Variants in KNDC1 observed in about 807,000 individuals in gnomAD.
The protein encoded by KNDC1 is kinase non-catalytic C-lobe domain-containing protein 1.
In KNDC1, 106 loss-of-function variants were observed where a neutral mutation model predicts 172.8. The ratio of observed to expected loss-of-function variants is 0.61; its 90% confidence interval spans 0.52 to 0.72. KNDC1 has a LOEUF of 0.72. KNDC1 is among the 30% of genes least tolerant of loss of function. KNDC1 has a pLI of 0.00. For synonymous variants in KNDC1, 1,083 were observed against 1,062.2 expected (o/e 1.02, Z -0.38); for missense variants, 2,325 against 2,394.5 (o/e 0.97, Z 0.61).
At chr10:133,217,903 T>C (rs141783028) in intron 26 of KNDC1, among the ~76,000 whole-genome samples, 3,000 of 132,394 alleles carry the variant, frequency 0.023, 1 homozygote, top group African/African-American at 0.063. Context: ...GGGGAAACCC[T>C]GTCTCCACTA....
chr10:133,186,726 C>A, intron 6 of KNDC1, 52 bp downstream of exon 6: 1 of 1,332,786 alleles, frequency 7.5e-7, no homozygotes, highest in Non-Finnish European at 1.0e-6. Context: ...TCAGTGAGTC[C>A]GGGGCCGGGC....
chr10:133,206,470 G>A (rs1484892383), intron 17 of KNDC1, among the ~76,000 whole-genome samples: 1 of 151,670 alleles, frequency 6.6e-6, no homozygotes, highest in Non-Finnish European at 1.5e-5. Flanking sequence ...GCTGGGCACT[G>A]CCCTGTGAGC....
chr10:133,184,090 A>C lies in KNDC1; in HGVS notation c.625+101A>C, dbSNP rs1591237890. Reference sequence around the variant, plus strand: ...TGCAAACACACCCATGCACACACACACACTGCACACACACCCATACTGCAC... The same window carrying C: ...TGCAAACACACCCATGCACACACACCCACTGCACACACACCCATACTGCAC... On this transcript the variant is annotated intron_variant, in intron 5 of 29. Coordinates refer to ENST00000304613, the MANE Select transcript of KNDC1 (RefSeq NM_152643.8). 5 of 620,938 alleles carry C rather than the reference A, an allele frequency of 8.1e-6. No individual in the cohort carries two copies. The East Asian group carries it at 1.1e-4, about 14-fold the overall frequency. The allele number at this position is 620,938 out of a possible 1,614,324, so 38.5% of individuals were successfully genotyped here.
At chr10:133,195,617 A>G in intron 9 of KNDC1, 46 bp from the exon 10 acceptor site, 1 of 1,463,582 alleles carries the variant, frequency 6.8e-7, no homozygotes, top group South Asian at 1.5e-5. Context: ...TGGGCACAGC[A>G]GCCCACAGCC....
In KNDC1 at chr10:133,163,656, C is replaced by T. The variant is rs552277618; in HGVS notation, c.102+3087C>T. On this transcript the variant is annotated intron_variant, in intron 1 of 29. Transcript: ENST00000304613. The surrounding 1 kb of genome is among the most constrained non-coding windows in gnomAD (Gnocchi z 4.4). ...GTCATAAGACAGTGTATTTCAAATG[C>T]GCCACACGATCTAGGCGTCCCTGTG... is the stretch of plus-strand genomic sequence containing the variant. Among the ~76,000 whole-genome samples, 4 of 152,282 alleles carry T rather than the reference C, an allele frequency of 2.6e-5. No individual in the cohort carries two copies. The highest frequency in any genetic ancestry group is 4.4e-5 in the Non-Finnish European group (3 of 68,008).
In KNDC1 at chr10:133,160,276, C is replaced by T. The variant is rs1278479833; in HGVS notation, c.-192C>T. Among the ~76,000 whole-genome samples, 1 of 120,760 alleles carries T rather than the reference C, an allele frequency of 8.3e-6. No individual in the cohort carries two copies. Among genetic ancestry groups the T allele is most frequent in the Admixed American group, 8.1e-5 (1 of 12,290 alleles). 79.2% of individuals were successfully genotyped at this position (120,760 alleles called of 152,430 possible). On this transcript the variant is annotated 5_prime_UTR_variant, in exon 1 of 30. Transcript: ENST00000304613. Reference sequence around the variant, plus strand: ...CGGACAGCGCCGCGCAGCCCCCGCGCACCCCGCGCCCCCCGCGCCCCCCGG... The same window carrying T: ...CGGACAGCGCCGCGCAGCCCCCGCGTACCCCGCGCCCCCCGCGCCCCCCGG...
rs781661218 is a variant in KNDC1, at chr10:133,218,941, G to A, written c.4788G>A (p.Val1596=). The A allele has an allele frequency of 1.2e-6, 2 of 1,613,802 alleles. No individual in the cohort carries two copies. Among genetic ancestry groups the A allele is most frequent in the East Asian group, 2.2e-5 (1 of 44,882 alleles). Residue 1596 remains valine, a synonymous_variant, in exon 27 of 30, where the codon GTG becomes GTA. Transcript: ENST00000304613. The part of the protein sequence containing the change: ...QILSGLEHLA[V]RQSPAWRILP... The stretch of plus-strand genomic sequence containing the variant: ...TGAGCGGGCTGGAGCACCTGGCCGT[G>A]AGGCAGTCCCCTGTGCGTCCCCCTC...
chr10:133,197,212 T>A, intron 11 of KNDC1, 77 bp downstream of exon 11: 2 of 1,176,348 alleles, frequency 1.7e-6, no homozygotes, highest in Non-Finnish European at 2.5e-6. Flanking sequence ...TGCCCTTGCC[T>A]GGCCGCTCCC....
At chr10:133,214,915 G>C (rs1203764298) in intron 26 of KNDC1, among the ~76,000 whole-genome samples, 1 of 152,160 alleles carries the variant, frequency 6.6e-6, no homozygotes, top group South Asian at 2.1e-4. Context: ...AGGCATCAGG[G>C]TCCACAGCTT....
chr10:133,162,506 G>A (rs74164108), intron 1 of KNDC1, among the ~76,000 whole-genome samples: 7,239 of 152,218 alleles, frequency 0.048, 239 homozygotes, highest in African/African-American at 0.088. Context: ...TCCATGATGG[G>A]GTCAAGAAAT....
chr10:133,176,825 C>G (rs1853550482), intron 3 of KNDC1, among the ~76,000 whole-genome samples: 1 of 152,218 alleles, frequency 6.6e-6, no homozygotes, highest in Non-Finnish European at 1.5e-5. Flanking sequence ...GAGGTGCCAT[C>G]TGGGGTTATT....
At chr10:133,190,414 A>T (rs1854047259) in intron 9 of KNDC1, among the ~76,000 whole-genome samples, 1 of 152,086 alleles carries the variant, frequency 6.6e-6, no homozygotes, top group Non-Finnish European at 1.5e-5. Context: ...TGCACTAAGC[A>T]CCCTGCAGTA....
At position 133,175,762 on chromosome 10, in the gene KNDC1, A is replaced by G. The variant is rs138277102; in HGVS notation, c.360+7450A>G. Among the ~76,000 whole-genome samples, 152 of 148,696 alleles carry G rather than the reference A, an allele frequency of 1.0e-3. 1 individual carries two copies. Among genetic ancestry groups the G allele is most frequent in the African/African-American group, 3.6e-3 (146 of 40,156 alleles). On this transcript the variant is annotated intron_variant, in intron 3 of 29. Transcript: ENST00000304613. ...TGGACGGATGAGTGTATGGATTAGT[A>G]GAGGATGGACGGGTGGAGGATGGGC...
rs1157738065 is a variant in KNDC1 at position 133,223,366 on chromosome 10, CGT to C, written c.5019-1284_5019-1283del. 4.8e-4 allele frequency among the ~76,000 whole-genome samples: 18 copies of C among 37,298 alleles called. 1 individual carries two copies. Among genetic ancestry groups the C allele is most frequent in the African/African-American group, 1.4e-3 (15 of 10,884 alleles). 24.5% of individuals were successfully genotyped at this position (37,298 alleles called of 152,430 possible). ...GCCCATCCAGGCATGCTCTTCTCGGCGTGTGTGTGTCTGTGAGAGCCCATCCA... is the reference window on the plus strand; with the variant it reads ...GCCCATCCAGGCATGCTCTTCTCGGCGTGTGTGTCTGTGAGAGCCCATCCA... On this transcript the variant is annotated intron_variant, in intron 29 of 29. Transcript: ENST00000304613.
intron 9 of KNDC1, among the ~76,000 whole-genome samples, chr10:133,190,333 ACTAAACACCCT>A (rs1318151237): frequency 1.7e-5 from 1 of 57,950 alleles, no homozygotes; most frequent in East Asian, 1.3e-3. Flanking sequence ...AGCACCCTGC[ACTAAACACCCT>A]GCACTAAGCA....
At chr10:133,193,064 A>AAG (rs1854102200) in intron 9 of KNDC1, among the ~76,000 whole-genome samples, 1 of 151,000 alleles carries the variant, frequency 6.6e-6, no homozygotes, top group Non-Finnish European at 1.5e-5. Flanking sequence ...TAAAAAACAA[A>AAG]AAGAGAGAGA....
At chr10:133,167,002 G>A (rs542105040) in intron 1 of KNDC1, among the ~76,000 whole-genome samples, 3 of 152,290 alleles carry the variant, frequency 2.0e-5, no homozygotes, top group South Asian at 4.1e-4. Context: ...TGTCCACTCC[G>A]TCGCCTCGCT....
At chr10:133,171,879 G>A (rs373312173) in intron 3 of KNDC1, among the ~76,000 whole-genome samples, 3 of 152,206 alleles carry the variant, frequency 2.0e-5, no homozygotes, top group East Asian at 1.9e-4. Flanking sequence ...GCCTCCCAAA[G>A]TGCTGGGATT....
chr10:133,167,179 CA>C (rs908300935), intron 1 of KNDC1: 1 of 606,308 alleles, frequency 1.6e-6, no homozygotes, highest in Non-Finnish European at 2.9e-6. Context: ...ACGGTGCCAC[CA>C]AATGTTCCGT....
Sources: gnomAD v4.1 joint callset for allele counts (sites outside exome capture counted in the v4.1 genomes callset) on GRCh38, gnomAD v4.1.1 for gene constraint, Gnocchi (gnomAD v3.1) non-coding constraint, MANE v1.5 for transcripts, NCBI Gene and HGNC (gene_info 2026-07-23, HGNC 2026-07-21) for gene names.